CDH18: variants seen among roughly 807,000 people sequenced by gnomAD.
CDH18 encodes cadherin-18.
A neutral mutation model predicts 67.9 loss-of-function variants in CDH18; 31 were observed. The observed-to-expected ratio is 0.46, with a 90% CI of 0.34 to 0.62. CDH18 has a LOEUF of 0.62. CDH18 is among the 20% of genes least tolerant of loss of function. The pLI, the probability that CDH18 is intolerant of heterozygous loss-of-function variation, is 0.01. For missense variants in CDH18, 890 were observed against 975.5 expected, an observed-to-expected ratio of 0.91 and a Z score of 1.17; for synonymous variants, 362 against 347.2, an observed-to-expected ratio of 1.04 and a Z score of -0.48.
chr5:19,702,678 G>A (rs1402587409), intron 5 of CDH18, among the ~76,000 whole-genome samples: 3 of 152,032 alleles, frequency 2.0e-5, no homozygotes, highest in Non-Finnish European at 2.9e-5. Context: ...TGACTCACGA[G>A]AATCACTTGA....
chr5:20,282,551 C>G (rs1746364892), intron 1 of CDH18, among the ~76,000 whole-genome samples: 1 of 152,086 alleles, frequency 6.6e-6, no homozygotes, highest in South Asian at 2.1e-4. Flanking sequence ...GCCTTGCATC[C>G]CAGGGATGAA....
chr5:19,929,187 G>A (rs1330141759), intron 2 of CDH18, among the ~76,000 whole-genome samples: 1 of 152,010 alleles, frequency 6.6e-6, no homozygotes, highest in Admixed American at 6.6e-5. Flanking sequence ...TTCGTGACTA[G>A]CAATCTCATG....
rs1487765702 is a variant in CDH18 at position 20,339,439 on chromosome 5, A to G, written c.-579-83934T>C. 2.6e-5 allele frequency among the ~76,000 whole-genome samples: 4 copies of G among 152,200 alleles called. No homozygotes were observed. In the Middle Eastern group the frequency reaches 0.01, roughly 388 times the overall value. On this transcript the variant is annotated intron_variant, in intron 1 of 14. Transcript: ENST00000507958. ...CCCAGACCTCTTTCAATGCTATAGC[A>G]TTGACTCAGCCCTACTAGCAGTTGT...
chr5:19,637,469 C>T (rs561178557), intron 5 of CDH18, among the ~76,000 whole-genome samples: 50 of 152,208 alleles, frequency 3.3e-4, no homozygotes, highest in African/African-American at 1.0e-3. Context: ...GCAGCAGTTA[C>T]GCCTGACAAA....
At chr5:19,673,378 TTGATAA>T (rs1213988682) in intron 5 of CDH18, among the ~76,000 whole-genome samples, 1 of 152,086 alleles carries the variant, frequency 6.6e-6, no homozygotes, top group East Asian at 1.9e-4. Flanking sequence ...TTAATAAGTC[TTGATAA>T]TGATAGTTTG....
chr5:19,702,831 G>T lies in CDH18; in HGVS notation c.643+18516C>A, dbSNP rs114460741. Among the ~76,000 whole-genome samples, 1,136 of 152,216 alleles carry T rather than the reference G, an allele frequency of 7.5e-3. 15 individuals are homozygous for T. The highest frequency in any genetic ancestry group is 0.026 in the African/African-American group (1,076 of 41,536). On this transcript the variant is annotated intron_variant, in intron 5 of 12. Transcript: ENST00000382275. ...ATGGCACCCACACTGAAGGTTGTTGGTTTACCGGAATGAGAGCAAGGAACA... is the reference window on the plus strand; with the variant it reads ...ATGGCACCCACACTGAAGGTTGTTGTTTTACCGGAATGAGAGCAAGGAACA...
intron 2 of CDH18, among the ~76,000 whole-genome samples, chr5:20,068,339 A>G (rs1331900213): frequency 2.0e-5 from 3 of 152,126 alleles, no homozygotes; most frequent in Non-Finnish European, 2.9e-5. Context: ...AAGAACAGAA[A>G]CAATACTACA....
At chr5:20,390,504 A>C (rs560026128) in intron 1 of CDH18, among the ~76,000 whole-genome samples, 1 of 152,284 alleles carries the variant, frequency 6.6e-6, no homozygotes, top group African/African-American at 2.4e-5. Context: ...GCTGGAGAGG[A>C]TGTGGAGAAA....
chr5:20,232,840 G>A (rs527838876), intron 2 of CDH18, among the ~76,000 whole-genome samples: 1 of 152,124 alleles, frequency 6.6e-6, no homozygotes, highest in South Asian at 2.1e-4. Flanking sequence ...GGCTTTGGCT[G>A]AGGAATATGT....
At chr5:19,725,357 G>A (rs1766695618) in intron 4 of CDH18, among the ~76,000 whole-genome samples, 1 of 152,130 alleles carries the variant, frequency 6.6e-6, no homozygotes, top group Non-Finnish European at 1.5e-5. Flanking sequence ...ATTTTCACTG[G>A]TACCTCACTG....
intron 2 of CDH18, among the ~76,000 whole-genome samples, chr5:20,177,480 G>A (rs1737326660): frequency 6.6e-6 from 1 of 152,054 alleles, no homozygotes; most frequent in Non-Finnish European, 1.5e-5. Flanking sequence ...AATATTTATA[G>A]CTATTCTTTT....
intron 11 of CDH18, among the ~76,000 whole-genome samples, chr5:19,489,561 T>C (rs1741041019): frequency 6.6e-6 from 1 of 152,158 alleles, no homozygotes; most frequent in Admixed American, 6.5e-5. Flanking sequence ...TTTGTTCTTT[T>C]ATCAGATGCT....
chr5:19,539,008 T>C (rs1241040179), intron 9 of CDH18, among the ~76,000 whole-genome samples: 1 of 152,154 alleles, frequency 6.6e-6, no homozygotes, highest in African/African-American at 2.4e-5. Context: ...CGTGGTGATG[T>C]TGAGGTTAAG....
At position 19,662,382 on chromosome 5, in the gene CDH18, C is replaced by G. The variant is rs928075073; in HGVS notation, c.644-49781G>C. 9.2e-5 allele frequency among the ~76,000 whole-genome samples: 14 copies of G among 152,058 alleles called. No individual in the cohort carries two copies. The East Asian group carries it at 2.7e-3, about 29-fold the overall frequency. On this transcript the variant is annotated intron_variant, in intron 5 of 12. Coordinates refer to ENST00000382275, the MANE Select transcript of CDH18 (RefSeq NM_004934.5). ...GCATAAGAAACAAGAAAAATTGGGT[C>G]ATCTACTCTCAGAGTGTTTTTCTCA...
chr5:19,980,017 G>C (rs980400226), intron 2 of CDH18, among the ~76,000 whole-genome samples: 1 of 152,148 alleles, frequency 6.6e-6, no homozygotes, highest in South Asian at 2.1e-4. Flanking sequence ...AAGTCAAACT[G>C]TCACTGTTTG....
intron 5 of CDH18, among the ~76,000 whole-genome samples, chr5:19,681,869 T>C (rs923251335): frequency 6.6e-6 from 1 of 152,044 alleles, no homozygotes. Context: ...TAGTCTATTA[T>C]ATAAACATGT....
intron 2 of CDH18, among the ~76,000 whole-genome samples, chr5:20,031,540 C>T (rs1739400015): frequency 6.6e-6 from 1 of 152,004 alleles, no homozygotes; most frequent in African/African-American, 2.4e-5. Context: ...CCCTGCTGCT[C>T]TCTGTGCTCC....
chr5:19,618,339 G>A (rs1750164536), intron 5 of CDH18, among the ~76,000 whole-genome samples: 1 of 151,834 alleles, frequency 6.6e-6, no homozygotes, highest in Admixed American at 6.6e-5. Flanking sequence ...CTGAGTAGCT[G>A]GGACTACAGG....
chr5:20,490,006 A>G (rs73764424), intron 1 of CDH18, among the ~76,000 whole-genome samples: 5,853 of 151,380 alleles, frequency 0.039, 367 homozygotes, highest in African/African-American at 0.13. Flanking sequence ...ATCTTATCTG[A>G]TAGGGTTTTA....
Sources: gnomAD v4.1 joint callset for allele counts (sites outside exome capture counted in the v4.1 genomes callset) on GRCh38, gnomAD v4.1.1 for gene constraint, MANE v1.5 for transcripts, NCBI Gene and HGNC (gene_info 2026-07-23, HGNC 2026-07-21) for gene names.